Variants in DPP10 observed in about 807,000 individuals in gnomAD.
DPP10 encodes the protein dipeptidyl peptidase like 10, also known as inactive dipeptidyl peptidase 10.
Under a neutral mutation model 120.9 loss-of-function variants are expected in DPP10, and 33 were observed. The ratio of observed to expected loss-of-function variants is 0.27; its 90% CI spans 0.21 to 0.37. The LOEUF (loss-of-function observed/expected upper bound fraction) is 0.37, where lower values mean the gene tolerates loss of function less well. Among genes scored for constraint, DPP10 ranks in the 10% least tolerant of loss-of-function variants. The probability of loss-of-function intolerance (pLI) is 1.00; values close to 1 mark genes in which losing one functional copy is unlikely to be tolerated. For synonymous variants in DPP10, 337 were observed against 326.1 expected, an observed-to-expected ratio of 1.03 and a Z score of -0.36; for missense variants, 816 against 942.8, an observed-to-expected ratio of 0.87 and a Z score of 1.76.
At chr2:114,761,623 G>C (rs1403807624) in intron 1 of DPP10, among the ~76,000 whole-genome samples, 8 of 152,058 alleles carry the variant, frequency 5.3e-5, no homozygotes, top group Non-Finnish European at 8.8e-5. Context: ...CACCCCCAGG[G>C]GACTTGAGGA....
chr2:115,505,527 T>C (rs1361636291), intron 4 of DPP10, among the ~76,000 whole-genome samples: 1 of 152,132 alleles, frequency 6.6e-6, no homozygotes, highest in Non-Finnish European at 1.5e-5. Context: ...TTGCGATTGT[T>C]TTGGAATTTG....
At chr2:115,398,119 T>A (rs1234461965) in intron 3 of DPP10, among the ~76,000 whole-genome samples, 1 of 152,094 alleles carries the variant, frequency 6.6e-6, no homozygotes, top group Non-Finnish European at 1.5e-5. Flanking sequence ...ACTTAAAAAC[T>A]CATGGTTTAG....
At chr2:115,664,024 A>T (rs950638849) in intron 5 of DPP10, among the ~76,000 whole-genome samples, 1 of 149,816 alleles carries the variant, frequency 6.7e-6, no homozygotes, top group African/African-American at 2.5e-5. Context: ...ATAATATTAC[A>T]TACATATATG....
intron 1 of DPP10, among the ~76,000 whole-genome samples, chr2:114,621,116 A>G (rs1694062572): frequency 1.3e-5 from 2 of 152,106 alleles, no homozygotes; most frequent in East Asian, 3.9e-4. Context: ...TCCACTGAGA[A>G]TGAAACACAT....
intron 1 of DPP10, among the ~76,000 whole-genome samples, chr2:115,002,367 CA>C (rs1391259064): frequency 1.2e-4 from 18 of 152,038 alleles, no homozygotes; most frequent in Non-Finnish European, 2.4e-4. Flanking sequence ...ATATAACAAT[CA>C]ATTCAAAATA....
intron 4 of DPP10, among the ~76,000 whole-genome samples, chr2:115,503,926 T>C (rs2076814264): frequency 6.6e-6 from 1 of 152,074 alleles, no homozygotes. Flanking sequence ...AGTGTAGAGT[T>C]TGAGAAACCC....
At chr2:115,402,917 GTA>G (rs1207026184) in intron 3 of DPP10, among the ~76,000 whole-genome samples, 83 of 134,418 alleles carry the variant, frequency 6.2e-4, no homozygotes, top group Admixed American at 1.3e-3. Context: ...ATATATGTGT[GTA>G]TATATATATG....
chr2:114,726,422 G>T (rs891066754), intron 1 of DPP10, among the ~76,000 whole-genome samples: 2 of 152,038 alleles, frequency 1.3e-5, no homozygotes, highest in Non-Finnish European at 2.9e-5. Context: ...ACTTTTATTC[G>T]TTGTGGAATG....
chr2:115,652,812 C>G (rs1575443715), intron 5 of DPP10, among the ~76,000 whole-genome samples: 1 of 151,912 alleles, frequency 6.6e-6, no homozygotes, highest in East Asian at 1.9e-4. Flanking sequence ...ATTACTCAGT[C>G]TGTTGATTCA....
intron 17 of DPP10, among the ~76,000 whole-genome samples, chr2:115,783,288 T>C (rs1412535038): frequency 6.6e-6 from 1 of 152,132 alleles, no homozygotes; most frequent in African/African-American, 2.4e-5. Flanking sequence ...AGAGTCATAC[T>C]AATAAATGGC....
chr2:114,983,531 G>A (rs920684483), intron 1 of DPP10, among the ~76,000 whole-genome samples: 1 of 152,026 alleles, frequency 6.6e-6, no homozygotes, highest in Non-Finnish European at 1.5e-5. Context: ...TAATATAATT[G>A]GTTCCATTAA....
At chr2:115,190,086 C>A (rs62167262) in intron 1 of DPP10, among the ~76,000 whole-genome samples, 100,805 of 152,038 alleles carry the variant, frequency 0.66, 34,127 homozygotes, top group Admixed American at 0.73. Context: ...TTCCCAAGCC[C>A]TCTGGCTGGT....
chr2:115,632,544 G>A (rs149737050), intron 5 of DPP10, among the ~76,000 whole-genome samples: 117 of 152,194 alleles, frequency 7.7e-4, no homozygotes, highest in African/African-American at 2.6e-3. Flanking sequence ...TGATGGTGAC[G>A]AATTCCCTCA....
intron 1 of DPP10, among the ~76,000 whole-genome samples, chr2:114,929,199 A>G (rs2104485684): frequency 6.6e-6 from 1 of 152,272 alleles, no homozygotes; most frequent in Admixed American, 6.5e-5. Flanking sequence ...ACAAGATCAC[A>G]AGGGCAGAGA....
chr2:115,784,579 G>A (rs995211097), intron 17 of DPP10, among the ~76,000 whole-genome samples: 8 of 152,050 alleles, frequency 5.3e-5, no homozygotes, highest in African/African-American at 1.9e-4. Flanking sequence ...TGTTGCCCAG[G>A]CTGGAATGCA....
At chr2:115,498,467 A>C (rs1204560267) in intron 3 of DPP10, among the ~76,000 whole-genome samples, 1 of 151,960 alleles carries the variant, frequency 6.6e-6, no homozygotes, top group Admixed American at 6.6e-5. Context: ...AAGTGGAGAC[A>C]TTCAGTTTCT....
chr2:114,767,631 C>T (rs1189086812), intron 1 of DPP10, among the ~76,000 whole-genome samples: 4 of 152,148 alleles, frequency 2.6e-5, no homozygotes, highest in African/African-American at 7.2e-5. Context: ...GGCTGCACAT[C>T]ATAATTTCCA....
chr2:115,327,089 T>C (rs998653193), intron 2 of DPP10, among the ~76,000 whole-genome samples: 1 of 152,056 alleles, frequency 6.6e-6, no homozygotes, highest in Non-Finnish European at 1.5e-5. Context: ...ATTTATAATG[T>C]TTTTTAACTA....
intron 2 of DPP10, among the ~76,000 whole-genome samples, chr2:115,334,470 A>G (rs963093604): frequency 5.3e-5 from 8 of 151,502 alleles, no homozygotes; most frequent in African/African-American, 1.9e-4. Flanking sequence ...TCTTCATTAA[A>G]GAGCTTGAAC....
Sources: gnomAD v4.1 joint callset for allele counts (sites outside exome capture counted in the v4.1 genomes callset) on GRCh38, gnomAD v4.1.1 for gene constraint, MANE v1.5 for transcripts, NCBI Gene and HGNC (gene_info 2026-07-23, HGNC 2026-07-21) for gene names.